Variants in SHISA6 observed in about 807,000 individuals in gnomAD.
SHISA6 encodes the protein protein shisa-6.
SHISA6 carries 22 observed loss-of-function variants against 47.9 expected under a neutral mutation model. The ratio of observed to expected loss-of-function variants is 0.46; its 90% CI spans 0.33 to 0.66. The LOEUF (loss-of-function observed/expected upper bound fraction) is 0.66, where lower values mean the gene tolerates loss of function less well. SHISA6 is among the 30% of genes least tolerant of loss of function. The pLI, the probability that SHISA6 is intolerant of heterozygous loss-of-function variation, is 0.02. For synonymous variants in SHISA6, 388 were observed against 337.8 expected (o/e 1.15, Z -1.63); for missense variants, 680 against 764.6 (o/e 0.89, Z 1.30).
At chr17:11,254,769 C>G (rs1269118984) in intron 1 of SHISA6, among the ~76,000 whole-genome samples, 1 of 152,218 alleles carries the variant, frequency 6.6e-6, no homozygotes, top group African/African-American at 2.4e-5. Flanking sequence ...GGCAAAACAT[C>G]TGTTTGAAGA....
chr17:11,310,835 G>A (rs1329474037), intron 2 of SHISA6, among the ~76,000 whole-genome samples: 22 of 151,950 alleles, frequency 1.4e-4, no homozygotes, highest in African/African-American at 3.1e-4. Flanking sequence ...TAGGCTGGGC[G>A]CTGTGGCTCA....
chr17:11,301,600 C>G (rs767774829), intron 2 of SHISA6, among the ~76,000 whole-genome samples: 1 of 152,158 alleles, frequency 6.6e-6, no homozygotes, highest in Non-Finnish European at 1.5e-5. Flanking sequence ...ACCTCCTTGC[C>G]GTTCCCCTCC....
intron 2 of SHISA6, among the ~76,000 whole-genome samples, chr17:11,276,774 T>A (rs1378216786): frequency 2.6e-5 from 4 of 152,180 alleles, no homozygotes; most frequent in Non-Finnish European, 5.9e-5. Flanking sequence ...ATCATCATCA[T>A]CATCATTTTT....
chr17:11,350,182 A>ATTTTTTT (rs778331945), intron 2 of SHISA6, among the ~76,000 whole-genome samples: 3 of 116,260 alleles, frequency 2.6e-5, no homozygotes, highest in East Asian at 2.7e-4. Context: ...TTATTTATTT[A>ATTTTTTT]TTTTTTTTTT....
intron 1 of SHISA6, among the ~76,000 whole-genome samples, chr17:11,249,124 C>G (rs928096574): frequency 1.5e-5 from 2 of 136,976 alleles, no homozygotes; most frequent in Admixed American, 8.1e-5. Context: ...GGCAACAGAG[C>G]GAGACTCCGT....
At position 11,496,922 on chromosome 17, in the gene SHISA6, T is replaced by A. The variant is rs1338085472; in HGVS notation, c.896-54974T>A. Among the ~76,000 whole-genome samples the A allele has an allele frequency of 2.0e-5, 3 of 152,328 alleles. No individual in the cohort carries two copies. The East Asian group carries it at 5.8e-4, about 29-fold the overall frequency. ...CTATGTGACTACATTTTTTCATTTT[T>A]CAAGAGAAGATAGGAATCCAGATTT... On this transcript the variant is annotated intron_variant, in intron 3 of 5. Coordinates refer to ENST00000441885, the MANE Select transcript of SHISA6 (RefSeq NM_207386.4).
At chr17:11,545,249 A>G (rs1242012294) in intron 3 of SHISA6, among the ~76,000 whole-genome samples, 1 of 152,180 alleles carries the variant, frequency 6.6e-6, no homozygotes, top group Non-Finnish European at 1.5e-5. Context: ...AACCCGGAAC[A>G]ATCTCCAGAG....
chr17:11,275,202 A>G (rs1220960105), intron 2 of SHISA6, among the ~76,000 whole-genome samples: 1 of 149,436 alleles, frequency 6.7e-6, no homozygotes, highest in Non-Finnish European at 1.5e-5. Flanking sequence ...GGGGTGGAAG[A>G]TGTGTGGGAG....
intron 2 of SHISA6, among the ~76,000 whole-genome samples, chr17:11,350,173 TATTTATTTA>T (rs1274536949): frequency 9.0e-5 from 10 of 111,104 alleles, no homozygotes; most frequent in East Asian, 4.0e-4. Flanking sequence ...TTTATTTATT[TATTTATTTA>T]TTTTTTTTTT....
At chr17:11,395,253 A>G (rs1913531422) in intron 3 of SHISA6, among the ~76,000 whole-genome samples, 1 of 151,872 alleles carries the variant, frequency 6.6e-6, no homozygotes, top group Non-Finnish European at 1.5e-5. Context: ...ACGTACCACT[A>G]GTGTAAAAAG....
chr17:11,333,974 C>T (rs1401560466), intron 2 of SHISA6, among the ~76,000 whole-genome samples: 1 of 152,196 alleles, frequency 6.6e-6, no homozygotes, highest in African/African-American at 2.4e-5. Context: ...CCGTGCTCCC[C>T]ACTCTCCATA....
intron 2 of SHISA6, among the ~76,000 whole-genome samples, chr17:11,321,169 A>G (rs1442046883): frequency 6.6e-6 from 1 of 152,248 alleles, no homozygotes; most frequent in Non-Finnish European, 1.5e-5. Context: ...TATCTACTAT[A>G]GTGCCATGCA....
chr17:11,277,318 A>ACACACACACACACACC (rs1389004430), intron 2 of SHISA6, among the ~76,000 whole-genome samples: 8 of 128,082 alleles, frequency 6.2e-5, no homozygotes, highest in African/African-American at 1.5e-4. Context: ...ACACACACAC[A>ACACACACACACACACC]CCCCGCATGT....
At chr17:11,291,799 C>T (rs1297125985) in intron 2 of SHISA6, among the ~76,000 whole-genome samples, 2 of 152,056 alleles carry the variant, frequency 1.3e-5, no homozygotes, top group Admixed American at 1.3e-4. Flanking sequence ...TGTGGTCACC[C>T]CTCTGTGTGT....
At chr17:11,375,668 A>G (rs1912775234) in intron 2 of SHISA6, among the ~76,000 whole-genome samples, 1 of 152,024 alleles carries the variant, frequency 6.6e-6, no homozygotes, top group Non-Finnish European at 1.5e-5. Flanking sequence ...TCCTCTCTTT[A>G]GCTTGAATCT....
chr17:11,320,386 G>T (rs1434248429), intron 2 of SHISA6, among the ~76,000 whole-genome samples: 1 of 152,034 alleles, frequency 6.6e-6, no homozygotes, highest in Non-Finnish European at 1.5e-5. Flanking sequence ...GAGGCTGGGT[G>T]CTGTGGCTCA....
intron 3 of SHISA6, among the ~76,000 whole-genome samples, chr17:11,431,550 T>A (rs1914775126): frequency 6.6e-6 from 1 of 152,240 alleles, no homozygotes; most frequent in Non-Finnish European, 1.5e-5. Context: ...AGCTGCTAAT[T>A]TTGTTTCTTT....
At chr17:11,263,037 T>TG (rs1402044420) in intron 1 of SHISA6, among the ~76,000 whole-genome samples, 3 of 152,232 alleles carry the variant, frequency 2.0e-5, no homozygotes, top group Non-Finnish European at 4.4e-5. Context: ...GGCATTCCAC[T>TG]GGCCAGCTGC....
At chr17:11,384,950 C>T (rs1210942892) in intron 3 of SHISA6, among the ~76,000 whole-genome samples, 1 of 152,202 alleles carries the variant, frequency 6.6e-6, no homozygotes, top group Non-Finnish European at 1.5e-5. Context: ...CCATTAATTC[C>T]TCCACTAAAT....
Sources: gnomAD v4.1 joint callset for allele counts (sites outside exome capture counted in the v4.1 genomes callset) on GRCh38, gnomAD v4.1.1 for gene constraint, MANE v1.5 for transcripts, NCBI Gene and HGNC (gene_info 2026-07-23, HGNC 2026-07-21) for gene names.